Variants in UGT2B15 observed in about 807,000 individuals in gnomAD.
UGT2B15 encodes UDP glucuronosyltransferase family 2 member B15, also known as UDP-glucuronosyltransferase 2B15.
Under a neutral mutation model 45.9 loss-of-function variants are expected in UGT2B15, and 36 were observed. The observed-to-expected ratio is 0.78, with a 90% confidence interval of 0.60 to 1.04. The LOEUF (loss-of-function observed/expected upper bound fraction) is 1.04, where lower values mean the gene tolerates loss of function less well. Ranked by LOEUF, UGT2B15 falls within the 50% of genes least tolerant of loss-of-function variation. The probability of loss-of-function intolerance (pLI) is 0.00; values close to 1 mark genes in which losing one functional copy is unlikely to be tolerated. For synonymous variants in UGT2B15, 219 were observed against 216.4 expected, an observed-to-expected ratio of 1.01 and a Z score of -0.11; for missense variants, 617 against 622.4, an observed-to-expected ratio of 0.99 and a Z score of 0.09.
chr4:68,660,802 T>C (rs199939420), intron 3 of UGT2B15, among the ~76,000 whole-genome samples: 20,744 of 150,510 alleles, frequency 0.14, 1,894 homozygotes, highest in East Asian at 0.29. Context: ...GTAAACTAAG[T>C]CATGCTTTCA....
intron 4 of UGT2B15, 59 bp downstream of exon 4, chr4:68,655,036 T>A: frequency 6.4e-7 from 1 of 1,556,950 alleles, no homozygotes; most frequent in Non-Finnish European, 8.8e-7. Flanking sequence ...TATGTTGAAC[T>A]ATTATCACTC....
chr4:68,667,249 G>A (rs1560611550), intron 2 of UGT2B15, among the ~76,000 whole-genome samples: 1 of 151,178 alleles, frequency 6.6e-6, no homozygotes. Context: ...TGCAGCCTCT[G>A]CTCCCAGACT....
intron 3 of UGT2B15, among the ~76,000 whole-genome samples, chr4:68,661,180 G>A (rs1457008584): frequency 6.6e-6 from 1 of 151,890 alleles, no homozygotes; most frequent in Non-Finnish European, 1.5e-5. Flanking sequence ...AGGAAAATAA[G>A]CCTGGGGGCC....
At chr4:68,666,490 T>C (rs934429585) in intron 2 of UGT2B15, among the ~76,000 whole-genome samples, 2 of 152,124 alleles carry the variant, frequency 1.3e-5, no homozygotes, top group Non-Finnish European at 2.9e-5. Context: ...CTGTGGTAAC[T>C]ACTTTTTTTC....
chr4:68,663,450 TATA>T (rs1042218291), intron 2 of UGT2B15, among the ~76,000 whole-genome samples: 7 of 152,118 alleles, frequency 4.6e-5, no homozygotes, highest in Non-Finnish European at 1.0e-4. Flanking sequence ...ACACTTTATT[TATA>T]ATATTATAAT....
At chr4:68,665,930 C>T (rs1392373650) in intron 2 of UGT2B15, among the ~76,000 whole-genome samples, 1 of 152,042 alleles carries the variant, frequency 6.6e-6, no homozygotes, top group Non-Finnish European at 1.5e-5. Context: ...GCCTGTAATC[C>T]CAGCTACTCG....
chr4:68,647,427 T>C (rs769042138), intron 5 of UGT2B15, 44 bp from the exon 6 acceptor site: 6 of 1,568,526 alleles, frequency 3.8e-6, no homozygotes, highest in African/African-American at 1.4e-5. Flanking sequence ...AGTAAATTTA[T>C]TGCTTAAGCA....
chr4:68,649,273 CTTTT>C (rs71218976), intron 5 of UGT2B15, among the ~76,000 whole-genome samples: 1 of 93,258 alleles, frequency 1.1e-5, no homozygotes, highest in Non-Finnish European at 2.0e-5. Flanking sequence ...TTCATATAAT[CTTTT>C]TTTTTTTTTT....
chr4:68,669,195 T>C (rs1264595317), intron 1 of UGT2B15, among the ~76,000 whole-genome samples: 1 of 152,126 alleles, frequency 6.6e-6, no homozygotes, highest in African/African-American at 2.4e-5. Context: ...CAGAATTTAT[T>C]GACATAGAGA....
At chr4:68,653,699 G>GGT (rs1732719132) in intron 5 of UGT2B15, among the ~76,000 whole-genome samples, 2 of 151,192 alleles carry the variant, frequency 1.3e-5, no homozygotes, top group Admixed American at 6.6e-5. Context: ...CATACTTTCA[G>GGT]AAATTTTAGG....
intron 5 of UGT2B15, among the ~76,000 whole-genome samples, chr4:68,649,273 C>CTTTTTTTTTTTTTTTTTTTTTTTTTTT (rs71218976): frequency 1.1e-5 from 1 of 93,260 alleles, no homozygotes; most frequent in Non-Finnish European, 2.0e-5. Context: ...TTCATATAAT[C>CTTTTTTTTTTTTTTTTTTTTTTTTTTT]TTTTTTTTTT....
intron 3 of UGT2B15, among the ~76,000 whole-genome samples, chr4:68,656,554 A>G (rs1454562083): frequency 6.6e-6 from 1 of 152,140 alleles, no homozygotes; most frequent in Non-Finnish European, 1.5e-5. Context: ...AAACAAAACA[A>G]AACAAAACCT....
Position 68,670,125 on chromosome 4 carries a change from A to G in UGT2B15, c.494T>C (p.Phe165Ser). The stretch of plus-strand genomic sequence containing the variant: ...AAGACTGTACAGAAAGGGTATGTTA[A>G]ATAGTTCAGCCAGTAGCTCACCACA... The part of the protein sequence containing the change: ...NPCGELLAEL[F>S]NIPFLYSLRF... Residue 165 changes from phenylalanine (F) to serine (S), a missense_variant, in exon 1 of 6, where the codon TTT becomes TCT. Phe to Ser is a radical substitution (Grantham distance 155). Coordinates refer to ENST00000338206, the MANE Select transcript of UGT2B15 (RefSeq NM_001076.4). The G allele has an allele frequency of 6.2e-7, 1 of 1,614,102 alleles. No homozygotes were observed. The highest frequency in any genetic ancestry group is 1.1e-5 in the South Asian group (1 of 91,084).
intron 3 of UGT2B15, among the ~76,000 whole-genome samples, chr4:68,658,793 G>C (rs1025331091): frequency 3.3e-5 from 5 of 151,980 alleles, no homozygotes; most frequent in African/African-American, 1.2e-4. Flanking sequence ...ACTCATATAA[G>C]TTTTTTTCCT....
chr4:68,660,402 G>C lies in UGT2B15; in HGVS notation c.1005+2606C>G, dbSNP rs572237752. 2.4e-4 allele frequency among the ~76,000 whole-genome samples: 37 copies of C among 152,008 alleles called. 1 individual carries two copies. Among genetic ancestry groups the C allele is most frequent in the Middle Eastern group, 3.4e-3 (1 of 294 alleles). On this transcript the variant is annotated intron_variant, in intron 3 of 5. Transcript: ENST00000338206. ...CCCAACTCGTAGGTATTTGATGGTA[G>C]AAATCTATGGCTTTCCTCAGCTTTA... is the stretch of plus-strand genomic sequence containing the variant.
chr4:68,651,377 C>T (rs1244027941), intron 5 of UGT2B15, among the ~76,000 whole-genome samples: 4 of 152,178 alleles, frequency 2.6e-5, no homozygotes, highest in Non-Finnish European at 4.4e-5. Flanking sequence ...TATGGCTAGC[C>T]GGTTTCTCCA....
At chr4:68,649,831 TTTTTTTGC>T (rs1732598409) in intron 5 of UGT2B15, among the ~76,000 whole-genome samples, 1 of 151,800 alleles carries the variant, frequency 6.6e-6, no homozygotes, top group Non-Finnish European at 1.5e-5. Flanking sequence ...CACTTTTTTG[TTTTTTTGC>T]TTTTTTGTTT....
chr4:68,664,355 T>C (rs1056239089), intron 2 of UGT2B15, among the ~76,000 whole-genome samples: 2 of 151,994 alleles, frequency 1.3e-5, no homozygotes, highest in Non-Finnish European at 2.9e-5. Flanking sequence ...TACTCATCTT[T>C]TTGTTGCTGT....
At chr4:68,655,435 T>C (rs1484438690) in intron 3 of UGT2B15, among the ~76,000 whole-genome samples, 2 of 152,076 alleles carry the variant, frequency 1.3e-5, no homozygotes, top group Non-Finnish European at 2.9e-5. Context: ...GCTAGACACA[T>C]GAGATTGTGA....
Sources: allele counts gnomAD v4.1 joint callset (sites outside exome capture counted in the v4.1 genomes callset), GRCh38; gene constraint gnomAD v4.1.1; transcripts MANE v1.5; gene names NCBI Gene and HGNC (gene_info 2026-07-23, HGNC 2026-07-21).